PCED1B: variants seen among roughly 807,000 people sequenced by gnomAD.
PCED1B encodes PC-esterase domain containing 1B.
For missense variants in PCED1B, 573 were observed against 573.9 expected, an observed-to-expected ratio of 1.00 and a Z score of 0.02; for synonymous variants, 251 against 246.1, an observed-to-expected ratio of 1.02 and a Z score of -0.19.
At chr12:47,094,409 C>T (rs963108205) in intron 1 of PCED1B, among the ~76,000 whole-genome samples, 6 of 152,102 alleles carry the variant, frequency 3.9e-5, no homozygotes, top group African/African-American at 1.4e-4. Flanking sequence ...TCAGTGTAAT[C>T]ACTGACATCA....
At chr12:47,133,049 CCT>C (rs1442331281) in intron 2 of PCED1B, among the ~76,000 whole-genome samples, 1 of 152,044 alleles carries the variant, frequency 6.6e-6, no homozygotes, top group Non-Finnish European at 1.5e-5. Context: ...ATAATTTTCC[CCT>C]GTTTCTTACA....
In PCED1B at chr12:47,216,383, C is replaced by CA. The variant is rs1943261431; in HGVS notation, c.-364_-363insA. ...AAGATGCTGTCTTTGTATTGACTTA[C>CA]CATTTCATGTTTTCACACATGTCAA... On this transcript the variant is annotated 5_prime_UTR_variant, in exon 3 of 4. Transcript: ENST00000546455. The CA allele has an allele frequency of 2.0e-5, 3 of 152,228 alleles. No individual in the cohort carries two copies. In the South Asian group the frequency reaches 6.2e-4, roughly 32 times the overall value. 9.4% of individuals were successfully genotyped at this position (152,228 alleles called of 1,614,324 possible). A position where few individuals can be genotyped will look rare whatever the true frequency, so the allele number is the denominator to read the frequency against.
At chr12:47,093,937 A>G (rs1938368979) in intron 1 of PCED1B, among the ~76,000 whole-genome samples, 1 of 152,108 alleles carries the variant, frequency 6.6e-6, no homozygotes, top group African/African-American at 2.4e-5. Flanking sequence ...ACATTAGATT[A>G]CATATGTTAA....
chr12:47,111,566 C>T (rs1440319736), intron 2 of PCED1B, among the ~76,000 whole-genome samples: 4 of 151,900 alleles, frequency 2.6e-5, no homozygotes, highest in African/African-American at 9.7e-5. Flanking sequence ...AAACTCCAAA[C>T]ACATTAAAAA....
rs536499155 is a variant in PCED1B, at chr12:47,171,089, C to T, written c.-525-45133C>T. Reference sequence around the variant, plus strand: ...CCTTTTTTTTTTTTTTTTTTTGAGACGGAGTTTTGCTCTTATTGCCCAGGC... The same window carrying T: ...CCTTTTTTTTTTTTTTTTTTTGAGATGGAGTTTTGCTCTTATTGCCCAGGC... On this transcript the variant is annotated intron_variant, in intron 2 of 3. Coordinates refer to ENST00000546455, the MANE Select transcript of PCED1B (RefSeq NM_138371.3). 6.7e-4 allele frequency among the ~76,000 whole-genome samples: 71 copies of T among 106,750 alleles called. 1 individual carries two copies. The highest frequency in any genetic ancestry group is 1.6e-3 in the African/African-American group (45 of 28,664). The allele number at this position is 106,750 out of a possible 152,430, so 70.0% of individuals were successfully genotyped here.
At chr12:47,203,775 A>G (rs1204806799) in intron 2 of PCED1B, among the ~76,000 whole-genome samples, 1 of 152,170 alleles carries the variant, frequency 6.6e-6, no homozygotes, top group Non-Finnish European at 1.5e-5. Flanking sequence ...ATGGACATAC[A>G]TATGCATGTG....
At chr12:47,126,768 G>C (rs1271892952) in intron 2 of PCED1B, among the ~76,000 whole-genome samples, 2 of 152,106 alleles carry the variant, frequency 1.3e-5, no homozygotes, top group African/African-American at 2.4e-5. Flanking sequence ...CATCTAAGTT[G>C]TCAAATTTAT....
chr12:47,082,567 C>T (rs536003577), intron 1 of PCED1B, among the ~76,000 whole-genome samples: 2 of 152,278 alleles, frequency 1.3e-5, no homozygotes, highest in African/African-American at 4.8e-5. Flanking sequence ...AGAGTACTAA[C>T]ACATGTAATG....
At chr12:47,209,926 G>A (rs1005852315) in intron 2 of PCED1B, 9 of 152,250 alleles carry the variant, frequency 5.9e-5, no homozygotes, top group Admixed American at 2.6e-4. Flanking sequence ...TTCTAGATTT[G>A]AACTAAAGCA....
chr12:47,165,179 T>C (rs1941505984), intron 2 of PCED1B, among the ~76,000 whole-genome samples: 1 of 152,224 alleles, frequency 6.6e-6, no homozygotes, highest in African/African-American at 2.4e-5. Flanking sequence ...TGGTTTGTAA[T>C]AAGACAACAT....
intron 2 of PCED1B, among the ~76,000 whole-genome samples, chr12:47,215,810 TTTGGGAGGCCAAGGCGGGTGGATCAC>T (rs879339189): frequency 0.056 from 8,470 of 151,716 alleles, 268 homozygotes; most frequent in African/African-American, 0.095. Flanking sequence ...ATCCCAGCAC[TTTGGGAGGCCAAGGCGGGTGGATCAC>T]CTGAGGTAAG....
At chr12:47,142,610 G>C (rs1940635891) in intron 2 of PCED1B, among the ~76,000 whole-genome samples, 1 of 151,648 alleles carries the variant, frequency 6.6e-6, no homozygotes, top group African/African-American at 2.4e-5. Context: ...GTGTAATAAA[G>C]AAATAAAAAA....
At position 47,092,122 on chromosome 12, in the gene PCED1B, A is replaced by G. The variant is rs1165751671; in HGVS notation, c.-608-11991A>G. 3.9e-5 allele frequency among the ~76,000 whole-genome samples: 6 copies of G among 152,248 alleles called. No homozygotes were observed. In the East Asian group the frequency reaches 1.2e-3, roughly 29 times the overall value. ...CCAAAATTGCATAGATGAATGTATT[A>G]ATTTGGAGAGAACTAACATCTTTAC... On this transcript the variant is annotated intron_variant, in intron 1 of 3. Coordinates refer to ENST00000546455, the MANE Select transcript of PCED1B (RefSeq NM_138371.3).
intron 2 of PCED1B, among the ~76,000 whole-genome samples, chr12:47,191,416 C>T (rs745375226): frequency 2.6e-5 from 4 of 152,204 alleles, no homozygotes; most frequent in Non-Finnish European, 5.9e-5. Flanking sequence ...CCAGTGTCAG[C>T]ATTCAGCAGT....
rs192509749 is a variant in PCED1B, at chr12:47,173,029, G to A, written c.-525-43193G>A. Among the ~76,000 whole-genome samples, 180 of 152,298 alleles carry A rather than the reference G, an allele frequency of 1.2e-3. No individual in the cohort carries two copies. In the Middle Eastern group the frequency reaches 0.02, roughly 17 times the overall value. ...GACAATAAAGAGGAGAAAATCAACT[G>A]AGACAATGAAGAAGAAACTCAAGAT... is the stretch of plus-strand genomic sequence containing the variant. On this transcript the variant is annotated intron_variant, in intron 2 of 3. Coordinates refer to ENST00000546455, the MANE Select transcript of PCED1B (RefSeq NM_138371.3).
At chr12:47,230,038 T>C (rs1592324350) in intron 3 of PCED1B, among the ~76,000 whole-genome samples, 1 of 150,578 alleles carries the variant, frequency 6.6e-6, no homozygotes, top group Non-Finnish European at 1.5e-5. Context: ...CCTCCTAAAG[T>C]GCTGGGATTA....
In PCED1B at chr12:47,235,361, G is replaced by A; in HGVS notation, c.298G>A (p.Asp100Asn). 6.2e-7 allele frequency: 1 copy of A among 1,614,122 alleles called. No homozygotes were observed. Among genetic ancestry groups the A allele is most frequent in the Non-Finnish European group, 8.5e-7 (1 of 1,180,042 alleles). ...TTACTTCCTCACCCGCGTGTACTCC[G>A]ATTACCTCCAGACCATCTTGAAAGA... ...RFYFLTRVYS[D>N]YLQTILKELQ... Residue 100 changes from aspartate (D) to asparagine (N), a missense_variant, in exon 4 of 4, where the codon GAT becomes AAT. Transcript: ENST00000546455.
intron 2 of PCED1B, among the ~76,000 whole-genome samples, chr12:47,119,664 A>G (rs1193970512): frequency 1.3e-5 from 2 of 151,710 alleles, no homozygotes; most frequent in Admixed American, 1.3e-4. Context: ...CAGAATATAT[A>G]TGAACTCCTA....
At position 47,093,411 on chromosome 12, in the gene PCED1B, T is replaced by C. The variant is rs1433304799; in HGVS notation, c.-608-10702T>C. Among the ~76,000 whole-genome samples, 4 of 151,848 alleles carry C rather than the reference T, an allele frequency of 2.6e-5. No individual in the cohort carries two copies. In the East Asian group the frequency reaches 7.7e-4, roughly 29 times the overall value. ...CAGTCTTCTTTAGATTTTGATGTTT[T>C]TAAACAACTGACTTTGGCTTTATTG... On this transcript the variant is annotated intron_variant, in intron 1 of 3. Coordinates refer to ENST00000546455, the MANE Select transcript of PCED1B (RefSeq NM_138371.3).
Sources: allele counts gnomAD v4.1 joint callset (sites outside exome capture counted in the v4.1 genomes callset), GRCh38; gene constraint gnomAD v4.1.1; transcripts MANE v1.5; gene names NCBI Gene and HGNC (gene_info 2026-07-23, HGNC 2026-07-21).